The following DSCAM variants were observed in gnomAD, a reference collection of about 807,000 sequenced individuals.
The protein encoded by DSCAM is cell adhesion molecule DSCAM.
In DSCAM, 47 loss-of-function variants were observed where a neutral mutation model predicts 217.7. The ratio of observed to expected loss-of-function variants is 0.22; its 90% confidence interval spans 0.17 to 0.28. The LOEUF (loss-of-function observed/expected upper bound fraction) is 0.28, where lower values mean the gene tolerates loss of function less well. DSCAM is among the 10% of genes least tolerant of loss of function. The probability of loss-of-function intolerance (pLI) is 1.00; values close to 1 mark genes in which losing one functional copy is unlikely to be tolerated. For synonymous variants in DSCAM, 1,056 were observed against 1,015.3 expected, an observed-to-expected ratio of 1.04 and a Z score of -0.76; for missense variants, 2,080 against 2,618.3, an observed-to-expected ratio of 0.79 and a Z score of 4.49.
chr21:40,330,097 A>T (rs184370303), intron 8 of DSCAM, among the ~76,000 whole-genome samples: 5 of 152,006 alleles, frequency 3.3e-5, no homozygotes, highest in African/African-American at 9.6e-5. Context: ...CACAATGGAT[A>T]TATATTTCAA....
At chr21:40,425,506 T>C (rs2075464156) in intron 3 of DSCAM, among the ~76,000 whole-genome samples, 1 of 149,542 alleles carries the variant, frequency 6.7e-6, no homozygotes, top group South Asian at 2.1e-4. Flanking sequence ...AGTATAATAA[T>C]AAATAGATAA....
chr21:40,519,041 C>T (rs979066189), intron 3 of DSCAM, among the ~76,000 whole-genome samples: 8 of 152,038 alleles, frequency 5.3e-5, no homozygotes, highest in African/African-American at 1.4e-4. Context: ...CAATAAAATG[C>T]GGTATTATAA....
chr21:40,161,019 C>G (rs1457324349), intron 16 of DSCAM, among the ~76,000 whole-genome samples: 1 of 152,188 alleles, frequency 6.6e-6, no homozygotes, highest in Non-Finnish European at 1.5e-5. Flanking sequence ...GGCTGACAGT[C>G]CCAGATAGTG....
At chr21:40,548,450 G>A (rs970356912) in intron 3 of DSCAM, among the ~76,000 whole-genome samples, 3 of 151,726 alleles carry the variant, frequency 2.0e-5, no homozygotes, top group African/African-American at 4.8e-5. Context: ...GTAATGACCC[G>A]TGAGCAATTT....
intron 3 of DSCAM, among the ~76,000 whole-genome samples, chr21:40,682,590 A>AGAGAGAAAGAGAGAAAGAGAGAGG (rs2050612625): frequency 8.5e-6 from 1 of 117,474 alleles, no homozygotes; most frequent in Non-Finnish European, 1.7e-5. Flanking sequence ...AGAGAAAGAG[A>AGAGAGAAAGAGAGAAAGAGAGAGG]GAGAGAAAGA....
chr21:40,291,783 C>T (rs1012050369), intron 10 of DSCAM, among the ~76,000 whole-genome samples: 3 of 152,226 alleles, frequency 2.0e-5, no homozygotes, highest in African/African-American at 7.2e-5. Flanking sequence ...CAGGCATGCT[C>T]TGACTCTTCT....
At chr21:40,405,551 C>T (rs562294061) in intron 3 of DSCAM, among the ~76,000 whole-genome samples, 1 of 152,156 alleles carries the variant, frequency 6.6e-6, no homozygotes, top group African/African-American at 2.4e-5. Context: ...AAATAACCAA[C>T]AGCATGAAGA....
At chr21:40,275,320 C>T (rs1299891562) in intron 11 of DSCAM, among the ~76,000 whole-genome samples, 1 of 151,888 alleles carries the variant, frequency 6.6e-6, no homozygotes, top group Non-Finnish European at 1.5e-5. Context: ...ACAGAGTGAG[C>T]CTCTGCCTCA....
At chr21:40,511,714 G>A (rs1477325349) in intron 3 of DSCAM, among the ~76,000 whole-genome samples, 1 of 151,988 alleles carries the variant, frequency 6.6e-6, no homozygotes, top group Non-Finnish European at 1.5e-5. Flanking sequence ...ATTCTCGGCC[G>A]GGCGCGGTGG....
At chr21:40,828,478 C>G (rs1569057242) in intron 1 of DSCAM, among the ~76,000 whole-genome samples, 1 of 152,078 alleles carries the variant, frequency 6.6e-6, no homozygotes, top group Non-Finnish European at 1.5e-5. Flanking sequence ...CCTGCTAGTT[C>G]TCCCCCACCC....
chr21:40,772,910 C>A (rs1163399241), intron 1 of DSCAM, among the ~76,000 whole-genome samples: 2 of 152,354 alleles, frequency 1.3e-5, no homozygotes, highest in Middle Eastern at 6.8e-3. Flanking sequence ...GAGCTGTCTT[C>A]TGTCAAATAA....
At chr21:40,664,047 C>T (rs1226907510) in intron 3 of DSCAM, among the ~76,000 whole-genome samples, 1 of 152,160 alleles carries the variant, frequency 6.6e-6, no homozygotes, top group African/African-American at 2.4e-5. Context: ...AAAGTCTAGT[C>T]GAGCTACAAC....
chr21:40,212,374 T>C (rs2091194404), intron 11 of DSCAM: 2 of 154,188 alleles, frequency 1.3e-5, no homozygotes, highest in Admixed American at 1.3e-4. Flanking sequence ...AGATTGAACA[T>C]GAATTTAGTT....
chr21:40,072,576 C>T (rs1213933901), intron 27 of DSCAM, among the ~76,000 whole-genome samples: 1 of 152,022 alleles, frequency 6.6e-6, no homozygotes, highest in Non-Finnish European at 1.5e-5. Context: ...TCTCGATCTC[C>T]TGACCTCGTG....
rs1371989999 is a variant in DSCAM at position 40,080,182 on chromosome 21, C to T, written c.4390G>A (p.Glu1464Lys). Residue 1464 changes from glutamate to lysine, a missense_variant, in exon 25 of 33, where the codon GAA (glutamate) becomes AAA (lysine). Transcript: ENST00000400454. Reference sequence around the variant, plus strand: ...CCTAAGGTCTTTGCTTCTATGATTTCACTTATGCGCCCTGGGCCCACTCCA... The same window carrying T: ...CCTAAGGTCTTTGCTTCTATGATTTTACTTATGCGCCCTGGGCCCACTCCA... ...QNGVGPGRIS[E>K]IIEAKTLGKE... 1 of 1,582,852 alleles carries T rather than the reference C, an allele frequency of 6.3e-7. No homozygotes were observed. The highest frequency in any genetic ancestry group is 8.6e-7 in the Non-Finnish European group (1 of 1,165,938).
At chr21:40,233,339 TTCACTCAAAA>T (rs1400938883) in intron 11 of DSCAM, among the ~76,000 whole-genome samples, 1 of 152,216 alleles carries the variant, frequency 6.6e-6, no homozygotes, top group East Asian at 1.9e-4. Flanking sequence ...TATTTTTTTC[TTCACTCAAAA>T]GCATCTGCAG....
chr21:40,283,020 T>G lies in DSCAM; in HGVS notation c.2183-6750A>C, dbSNP rs571842895. Among the ~76,000 whole-genome samples, 7 of 152,356 alleles carry G rather than the reference T, an allele frequency of 4.6e-5. No homozygotes were observed. The East Asian group carries it at 1.3e-3, about 29-fold the overall frequency. On this transcript the variant is annotated intron_variant, in intron 10 of 32. Transcript: ENST00000400454. Reference sequence around the variant, plus strand: ...GTTGAAGGGTTATTGCATCTGAAGATCTAATTGTGGTTACTAAATGGAATA... The same window carrying G: ...GTTGAAGGGTTATTGCATCTGAAGAGCTAATTGTGGTTACTAAATGGAATA...
intron 2 of DSCAM, among the ~76,000 whole-genome samples, chr21:40,705,769 G>A (rs151054701): frequency 1.3e-5 from 2 of 152,300 alleles, no homozygotes; most frequent in East Asian, 1.9e-4. Context: ...ATTTGGGTGC[G>A]GACATAGAGT....
intron 11 of DSCAM, among the ~76,000 whole-genome samples, chr21:40,234,709 T>C (rs2091411072): frequency 1.3e-5 from 2 of 152,232 alleles, no homozygotes; most frequent in Non-Finnish European, 2.9e-5. Context: ...TCCTGGTACA[T>C]TTAAATGCAT....
Sources: allele counts gnomAD v4.1 joint callset (sites outside exome capture counted in the v4.1 genomes callset), GRCh38; gene constraint gnomAD v4.1.1; transcripts MANE v1.5; gene names NCBI Gene and HGNC (gene_info 2026-07-23, HGNC 2026-07-21).